The following RUNX1T1 variants were observed in gnomAD, a reference collection of about 807,000 sequenced individuals.
RUNX1T1 encodes protein CBFA2T1.
A neutral mutation model predicts 62.8 loss-of-function variants in RUNX1T1; 4 were observed. That is an observed-to-expected ratio of 0.06 (90% CI 0.03 to 0.15). The LOEUF is 0.15. Among genes scored for constraint, RUNX1T1 ranks in the 10% least tolerant of loss-of-function variants. The pLI is 1.00. For missense variants in RUNX1T1, 508 were observed against 754.3 expected (o/e 0.67, Z 3.82); for synonymous variants, 291 against 286.0 (o/e 1.02, Z -0.18).
intron 10 of RUNX1T1, among the ~76,000 whole-genome samples, chr8:91,968,942 A>T (rs1284212519): frequency 6.6e-6 from 1 of 152,196 alleles, no homozygotes; most frequent in African/African-American, 2.4e-5. Context: ...TAAGAATTGG[A>T]GCCAGGAATT....
upstream of RUNX1T1, among the ~76,000 whole-genome samples, chr8:92,064,081 A>G (rs1832496129): frequency 6.6e-6 from 1 of 152,182 alleles, no homozygotes; most frequent in Admixed American, 6.5e-5. Context: ...AACAGAGGCA[A>G]TAACTCTGAC....
At chr8:92,006,998 A>G (rs979398879) in intron 4 of RUNX1T1, among the ~76,000 whole-genome samples, 3 of 152,182 alleles carry the variant, frequency 2.0e-5, no homozygotes, top group African/African-American at 2.4e-5. Flanking sequence ...CAGGATAACA[A>G]TGCTAAAATT....
intron 1 of RUNX1T1, among the ~76,000 whole-genome samples, chr8:92,092,391 T>C (rs888740567): frequency 6.6e-6 from 1 of 152,222 alleles, no homozygotes; most frequent in Non-Finnish European, 1.5e-5. Flanking sequence ...AGCAGTACTA[T>C]AGAAGCTAAA....
intron 3 of RUNX1T1, among the ~76,000 whole-genome samples, chr8:92,012,821 T>C (rs1156236418): frequency 6.6e-6 from 1 of 151,284 alleles, no homozygotes; most frequent in Non-Finnish European, 1.5e-5. Flanking sequence ...GTAAGCCAAA[T>C]GTTTAACAGA....
chr8:91,985,799 C>CT (rs1433072720), intron 8 of RUNX1T1, among the ~76,000 whole-genome samples: 13 of 152,172 alleles, frequency 8.5e-5, no homozygotes. Context: ...CCCAGGCCCA[C>CT]TCCCTGAGAT....
intron 4 of RUNX1T1, 22 bp from the exon 6 acceptor site, chr8:92,005,319 G>A: frequency 6.2e-7 from 1 of 1,604,562 alleles, no homozygotes; most frequent in Non-Finnish European, 8.5e-7. Context: ...TGACAGGAAT[G>A]AGAGGACGGA....
intron 1 of RUNX1T1, among the ~76,000 whole-genome samples, chr8:92,060,843 G>A (rs921461410): frequency 9.9e-5 from 15 of 151,750 alleles, no homozygotes; most frequent in African/African-American, 3.4e-4. Context: ...CTCAAGTATC[G>A]CCATTCTGGC....
At chr8:92,016,186 C>CT (rs1742881719) in intron 2 of RUNX1T1, among the ~76,000 whole-genome samples, 1 of 152,156 alleles carries the variant, frequency 6.6e-6, no homozygotes, top group African/African-American at 2.4e-5. Context: ...TCAACCAGGA[C>CT]TTTGAGATTT....
rs371638102 is a variant in RUNX1T1, at chr8:91,960,320, C to T, written c.1656G>A (p.Pro552=). 2.0e-4 allele frequency: 322 copies of T among 1,611,542 alleles called. 4 individuals are homozygous for T. The South Asian group carries it at 3.1e-3, about 15-fold the overall frequency. ...GAGTGGCTGCTGGTGGTGTGTCCAT[C>T]GGGCTCCCAGCCCCGCTGTTGGGCG... The change falls in exon 11 of 11, where the codon CCG becomes CCA. Residue 552 remains proline (P), a synonymous_variant. Transcript: ENST00000396218.
exon 11 of RUNX1T1, chr8:91,959,455 T>A (rs60199955): frequency 1.5e-4 from 20 of 137,388 alleles, no homozygotes; most frequent in South Asian, 6.4e-4. Context: ...TGTGTGTGTG[T>A]GTGTGTGTGT....
chr8:91,971,223 T>C (rs529918484), intron 9 of RUNX1T1: 1 of 162,644 alleles, frequency 6.1e-6, no homozygotes, highest in South Asian at 2.0e-4. Flanking sequence ...ATATCATTAT[T>C]ATAATTTTTT....
chr8:92,039,791 T>C (rs1828098665), intron 1 of RUNX1T1, among the ~76,000 whole-genome samples: 1 of 152,180 alleles, frequency 6.6e-6, no homozygotes, highest in African/African-American at 2.4e-5. Context: ...CATACCTGGC[T>C]CCATACCAAC....
chr8:92,096,451 G>A (rs1485846522), intron 1 of RUNX1T1, among the ~76,000 whole-genome samples: 2 of 152,200 alleles, frequency 1.3e-5, no homozygotes, highest in Non-Finnish European at 2.9e-5. Flanking sequence ...GGTCAGGAAG[G>A]AGACACACCT....
At chr8:92,013,450 C>G (rs1822371897) in intron 3 of RUNX1T1, among the ~76,000 whole-genome samples, 1 of 152,216 alleles carries the variant, frequency 6.6e-6, no homozygotes, top group African/African-American at 2.4e-5. Context: ...CTTACCCAGA[C>G]TTCTAATTCT....
chr8:92,075,745 C>G (rs923396745), intron 2 of RUNX1T1, among the ~76,000 whole-genome samples: 1 of 152,074 alleles, frequency 6.6e-6, no homozygotes, highest in African/African-American at 2.4e-5. Context: ...TATATTCAGA[C>G]CCAAAACTAT....
chr8:91,965,558 T>C lies in RUNX1T1; in HGVS notation c.1459-5041A>G, dbSNP rs528882724. The stretch of plus-strand genomic sequence containing the variant: ...CTGTTTCTCCTTGTTATCTTCTTCC[T>C]GAGCTTTGTGCTCCTATTTCAACTG... On this transcript the variant is annotated intron_variant, in intron 10 of 10. Coordinates refer to ENST00000396218, the Ensembl canonical transcript of RUNX1T1. Among the ~76,000 whole-genome samples the C allele has an allele frequency of 1.1e-4, 16 of 152,318 alleles. No individual in the cohort carries two copies. In the South Asian group the frequency reaches 2.7e-3, roughly 26 times the overall value.
intron 1 of RUNX1T1, among the ~76,000 whole-genome samples, chr8:92,043,182 T>C (rs1277311766): frequency 1.3e-5 from 2 of 152,228 alleles, no homozygotes; most frequent in African/African-American, 2.4e-5. Flanking sequence ...AGTGACTATA[T>C]AGCATTCTGC....
chr8:92,095,637 A>C, intron 1 of RUNX1T1: 1 of 1,272,768 alleles, frequency 7.9e-7, no homozygotes, highest in South Asian at 1.7e-5. Flanking sequence ...AGAAGACAGA[A>C]AGGGACAGGC....
At chr8:92,030,215 A>G (rs1009746805) in intron 1 of RUNX1T1, among the ~76,000 whole-genome samples, 2 of 152,150 alleles carry the variant, frequency 1.3e-5, no homozygotes, top group African/African-American at 4.8e-5. Flanking sequence ...CTGTATTATA[A>G]GCAATATCGT....
Sources: allele counts gnomAD v4.1 joint callset (sites outside exome capture counted in the v4.1 genomes callset), GRCh38; gene constraint gnomAD v4.1.1; transcripts MANE v1.5; gene names NCBI Gene and HGNC (gene_info 2026-07-23, HGNC 2026-07-21).